Variants in GABBR2 observed in about 807,000 individuals in gnomAD.
GABBR2 encodes the protein G-protein coupled receptor 51.
Under a neutral mutation model 105.6 loss-of-function variants are expected in GABBR2, and 23 were observed. The ratio of observed to expected loss-of-function variants is 0.22; its 90% CI spans 0.16 to 0.31. The LOEUF is 0.31. GABBR2 is among the 10% of genes least tolerant of loss of function. GABBR2 has a pLI of 1.00. For synonymous variants in GABBR2, 478 were observed against 499.7 expected (o/e 0.96, Z 0.58); for missense variants, 734 against 1,245.5 (o/e 0.59, Z 6.18).
chr9:98,624,745 G>A (rs945355327), intron 1 of GABBR2, among the ~76,000 whole-genome samples: 12 of 152,224 alleles, frequency 7.9e-5, no homozygotes, highest in African/African-American at 2.9e-4. Context: ...GCTGGGAGCT[G>A]CAGAACGCTG....
chr9:98,633,173 G>T (rs1046273611), intron 1 of GABBR2, among the ~76,000 whole-genome samples: 1 of 152,130 alleles, frequency 6.6e-6, no homozygotes, highest in African/African-American at 2.4e-5. Context: ...GTACCAGCCA[G>T]CTCCAGAACA....
chr9:98,306,463 G>T lies in GABBR2; in HGVS notation c.2005-118C>A. ...AGGAGGTGGGCTGCAGGGAGGGAGG[G>T]TCGGGGGCCTTGCTGTCAGCCGGGT... On this transcript the variant is annotated intron_variant, in intron 14 of 18. Coordinates refer to ENST00000259455, the MANE Select transcript of GABBR2 (RefSeq NM_005458.8). This position sits in a 1 kb window ranked among gnomAD's most constrained non-coding sequence, Gnocchi z 5.4. 3 of 600,084 alleles carry T rather than the reference G, an allele frequency of 5.0e-6. No individual in the cohort carries two copies. Among genetic ancestry groups the T allele is most frequent in the Non-Finnish European group, 6.2e-6 (2 of 321,436 alleles). The allele number at this position is 600,084 out of a possible 1,614,324, so 37.2% of individuals were successfully genotyped here. A position where few individuals can be genotyped will look rare whatever the true frequency, so the allele number is the denominator to read the frequency against.
chr9:98,592,299 G>C (rs780931515), intron 1 of GABBR2, among the ~76,000 whole-genome samples: 3 of 152,190 alleles, frequency 2.0e-5, no homozygotes, highest in Non-Finnish European at 4.4e-5. Context: ...CTACCAGTGT[G>C]TGTTTTTGTC....
intron 1 of GABBR2, among the ~76,000 whole-genome samples, chr9:98,596,631 A>G (rs1187946991): frequency 6.6e-6 from 1 of 152,206 alleles, no homozygotes; most frequent in Non-Finnish European, 1.5e-5. Context: ...CGACAGGACC[A>G]TATGGGGACC....
rs1383742864 is a variant in GABBR2, at chr9:98,480,924, T to C, written c.798+8A>G. ...CAAAGACACGAATGATACAACTGTTTTACTTACACAACAGAACACTTTTGC... is the reference window on the plus strand; with the variant it reads ...CAAAGACACGAATGATACAACTGTTCTACTTACACAACAGAACACTTTTGC... On this transcript the variant is annotated splice_region_variant and intron_variant, in intron 5 of 18. Coordinates refer to ENST00000259455, the MANE Select transcript of GABBR2 (RefSeq NM_005458.8). 3 of 1,542,160 alleles carry C rather than the reference T, an allele frequency of 1.9e-6. No individual in the cohort carries two copies. The highest frequency in any genetic ancestry group is 2.7e-6 in the Non-Finnish European group (3 of 1,114,424).
At chr9:98,607,445 TA>T in intron 1 of GABBR2, 1 of 592,652 alleles carries the variant, frequency 1.7e-6, no homozygotes. Context: ...GCTAACAGTT[TA>T]AAAAACAGAT....
rs34589145 is a variant in GABBR2 at position 98,688,394 on chromosome 9, C to CATATATATATATAT, written c.321+20009_321+20022dup. On this transcript the variant is annotated intron_variant, in intron 1 of 18. Transcript: ENST00000259455. ...TAATTTAAGAAATAATATGTGGTTT[C>CATATATATATATAT]ATATATATATATATATAAAATCTCC... Among the ~76,000 whole-genome samples the CATATATATATATAT allele has an allele frequency of 3.3e-4, 46 of 140,542 alleles. 1 individual carries two copies. Among genetic ancestry groups the CATATATATATATAT allele is most frequent in the South Asian group, 2.7e-3 (12 of 4,492 alleles). The allele number at this position is 140,542 out of a possible 152,430, so 92.2% of individuals were successfully genotyped here.
intron 1 of GABBR2, among the ~76,000 whole-genome samples, chr9:98,593,428 C>T (rs1331675335): frequency 1.3e-5 from 2 of 152,074 alleles, no homozygotes; most frequent in Admixed American, 1.3e-4. Flanking sequence ...GGTCCAGGGA[C>T]AATGGCAGGA....
At chr9:98,390,680 C>A (rs1468567728) in intron 9 of GABBR2, among the ~76,000 whole-genome samples, 1 of 152,054 alleles carries the variant, frequency 6.6e-6, no homozygotes, top group African/African-American at 2.4e-5. Flanking sequence ...CATCATCCTT[C>A]CCCAAACACC....
chr9:98,608,660 C>G (rs1409492022), intron 1 of GABBR2, among the ~76,000 whole-genome samples: 1 of 152,056 alleles, frequency 6.6e-6, no homozygotes, highest in Non-Finnish European at 1.5e-5. Context: ...GAAAAAAAAC[C>G]CTATATGCTT....
intron 17 of GABBR2, among the ~76,000 whole-genome samples, chr9:98,296,012 C>T (rs10985772): frequency 0.14 from 21,132 of 152,188 alleles, 1,781 homozygotes; most frequent in Non-Finnish European, 0.18. Context: ...ACTACCGCTA[C>T]GGTGAATCAG....
intron 1 of GABBR2, chr9:98,606,831 A>G: frequency 2.5e-6 from 1 of 397,952 alleles, no homozygotes; most frequent in Non-Finnish European, 4.7e-6. Flanking sequence ...AAGTACAAAC[A>G]GTGCGAGAGC....
chr9:98,553,238 T>C (rs1234418906), intron 2 of GABBR2, among the ~76,000 whole-genome samples: 1 of 152,066 alleles, frequency 6.6e-6, no homozygotes, highest in Non-Finnish European at 1.5e-5. Context: ...TGCCTTTGTT[T>C]CCTGTGGGAG....
intron 11 of GABBR2, among the ~76,000 whole-genome samples, chr9:98,373,461 A>G (rs10818833): frequency 7.9e-5 from 12 of 151,892 alleles, no homozygotes; most frequent in Non-Finnish European, 1.8e-4. Flanking sequence ...CGATGCTTTG[A>G]CCCGGTCCAG....
At chr9:98,602,621 A>G (rs1169689231) in intron 1 of GABBR2, among the ~76,000 whole-genome samples, 1 of 152,158 alleles carries the variant, frequency 6.6e-6, no homozygotes, top group Non-Finnish European at 1.5e-5. Flanking sequence ...TCGCTCAGGA[A>G]GCACACCCTG....
intron 13 of GABBR2, among the ~76,000 whole-genome samples, chr9:98,349,120 A>ATT (rs35043735): frequency 2.6e-5 from 4 of 151,660 alleles, no homozygotes; most frequent in African/African-American, 9.7e-5. Context: ...AATTTGTTGA[A>ATT]TTTTTTTTTA....
intron 1 of GABBR2, among the ~76,000 whole-genome samples, chr9:98,622,973 T>G (rs1325663427): frequency 1.3e-5 from 2 of 152,170 alleles, no homozygotes; most frequent in East Asian, 3.9e-4. Flanking sequence ...TGTGTCAATG[T>G]CGGTTCATCG....
intron 1 of GABBR2, among the ~76,000 whole-genome samples, chr9:98,612,406 C>G (rs975229099): frequency 3.9e-5 from 6 of 152,204 alleles, no homozygotes; most frequent in Non-Finnish European, 8.8e-5. Flanking sequence ...TAGATGCTCA[C>G]CTGTGTGACA....
intron 1 of GABBR2, among the ~76,000 whole-genome samples, chr9:98,695,225 A>C (rs1288511801): frequency 2.0e-5 from 3 of 152,154 alleles, no homozygotes; most frequent in Non-Finnish European, 4.4e-5. Context: ...TCACTCACAA[A>C]TATTCTGGAG....
Sources: allele counts gnomAD v4.1 joint callset (sites outside exome capture counted in the v4.1 genomes callset), GRCh38; gene constraint gnomAD v4.1.1; non-coding constraint Gnocchi (gnomAD v3.1); transcripts MANE v1.5; gene names NCBI Gene and HGNC (gene_info 2026-07-23, HGNC 2026-07-21).